The following TGIF1 variants were observed in gnomAD, a reference collection of about 807,000 sequenced individuals.
TGIF1 encodes TGFB induced factor homeobox 1.
TGIF1 carries 4 observed loss-of-function variants against 19.3 expected under a neutral mutation model. The ratio of observed to expected loss-of-function variants is 0.21; its 90% CI spans 0.10 to 0.47. The LOEUF is 0.47. Among genes scored for constraint, TGIF1 ranks in the 20% least tolerant of loss-of-function variants. TGIF1 has a pLI of 0.98. For synonymous variants in TGIF1, 122 were observed against 129.3 expected (o/e 0.94, Z 0.38); for missense variants, 275 against 341.4 (o/e 0.81, Z 1.53).
At chr18:3,416,947 C>A (rs995093391) in intron 1 of TGIF1, among the ~76,000 whole-genome samples, 37 of 151,384 alleles carry the variant, frequency 2.4e-4, no homozygotes, top group Non-Finnish European at 3.7e-4. Flanking sequence ...ACAACAACAA[C>A]AAAAAAAAGA....
At chr18:3,422,302 A>G (rs2082410509) in intron 2 of TGIF1, among the ~76,000 whole-genome samples, 1 of 137,342 alleles carries the variant, frequency 7.3e-6, no homozygotes, top group East Asian at 1.9e-4. Context: ...AAAGTAAAAA[A>G]AAAAAAAAAA....
At chr18:3,425,415 G>A (rs2082453418) in intron 2 of TGIF1, among the ~76,000 whole-genome samples, 1 of 152,224 alleles carries the variant, frequency 6.6e-6, no homozygotes, top group African/African-American at 2.4e-5. Flanking sequence ...ATTCTACTAA[G>A]ATGTGGGTGT....
intron 1 of TGIF1, among the ~76,000 whole-genome samples, chr18:3,417,020 TATC>T (rs1179267627): frequency 6.6e-6 from 1 of 152,240 alleles, no homozygotes; most frequent in Non-Finnish European, 1.5e-5. Flanking sequence ...ACTCGGAATT[TATC>T]ATAAGTAAAT....
At chr18:3,445,094 C>T (rs1328034957) in intron 2 of TGIF1, among the ~76,000 whole-genome samples, 3 of 152,150 alleles carry the variant, frequency 2.0e-5, no homozygotes, top group Non-Finnish European at 2.9e-5. Context: ...ATGATCCAGC[C>T]CCAAACGTCA....
intron 2 of TGIF1, among the ~76,000 whole-genome samples, chr18:3,443,003 A>G (rs2082693777): frequency 6.6e-6 from 1 of 152,242 alleles, no homozygotes; most frequent in African/African-American, 2.4e-5. Context: ...AATATCTATC[A>G]AAATTCTGAA....
rs547346482 is a variant in TGIF1, at chr18:3,456,712, G to A, written c.243+132G>A. The A allele has an allele frequency of 1.9e-5, 16 of 843,932 alleles. No homozygotes were observed. In the East Asian group the frequency reaches 4.2e-4, roughly 22 times the overall value. 52.3% of individuals were successfully genotyped at this position (843,932 alleles called of 1,614,324 possible). A position where few individuals can be genotyped will look rare whatever the true frequency, so the allele number is the denominator to read the frequency against. ...AGGAATATCTTTTTATTGTAAACTT[G>A]ATAGTGTTAAAAGCTAATAACTAGC... is the stretch of plus-strand genomic sequence containing the variant. On this transcript the variant is annotated intron_variant, in intron 2 of 2. Transcript: ENST00000343820. This position sits in a 1 kb window ranked among gnomAD's most constrained non-coding sequence, Gnocchi z 4.2.
chr18:3,432,979 G>A (rs1391902291), intron 2 of TGIF1, among the ~76,000 whole-genome samples: 2 of 151,706 alleles, frequency 1.3e-5, no homozygotes, highest in South Asian at 2.1e-4. Flanking sequence ...GGCTGGTCTC[G>A]AACTCCCGAC....
chr18:3,415,191 T>C (rs987241332), intron 1 of TGIF1: 1 of 211,980 alleles, frequency 4.7e-6, no homozygotes, highest in Middle Eastern at 9.0e-4. Flanking sequence ...ATTGCTCTCA[T>C]CCTGGAGTGG....
Position 3,440,786 on chromosome 18 carries a change from G to A in TGIF1, c.-44-15568G>A, listed in dbSNP as rs567269013. ...GGACTATTATTTAGTTGTTAAAAAC[G>A]GATGTAGGCTCCCTGAGTCAGTCTA... On this transcript the variant is annotated intron_variant, in intron 2 of 3. Transcript: ENST00000401449. Among the ~76,000 whole-genome samples, 7 of 152,244 alleles carry A rather than the reference G, an allele frequency of 4.6e-5. No individual in the cohort carries two copies. In the East Asian group the frequency reaches 1.2e-3, roughly 25 times the overall value.
chr18:3,422,190 TA>T (rs33992043), intron 2 of TGIF1, among the ~76,000 whole-genome samples: 21,540 of 120,978 alleles, frequency 0.18, 5,728 homozygotes, highest in African/African-American at 0.58. Context: ...TGAGACACCG[TA>T]AAAAAAAAAA....
intron 2 of TGIF1, among the ~76,000 whole-genome samples, chr18:3,437,933 A>C (rs1182974810): frequency 2.6e-5 from 4 of 152,114 alleles, no homozygotes; most frequent in Non-Finnish European, 1.5e-5. Context: ...AAAATACAAA[A>C]ATTAGCCAGG....
At chr18:3,428,509 G>A (rs1333790105) in intron 2 of TGIF1, among the ~76,000 whole-genome samples, 2 of 151,866 alleles carry the variant, frequency 1.3e-5, no homozygotes, top group Non-Finnish European at 2.9e-5. Context: ...AGGCTGAGGC[G>A]GGCAGATCAT....
In TGIF1 at chr18:3,441,224, C is replaced by A. The variant is rs539639182; in HGVS notation, c.-44-15130C>A. ...CCTGAATGTGCTACAACTATTTTTC[C>A]AAGTTTCTTAGCTTTTGAAAATTTT... On this transcript the variant is annotated intron_variant, in intron 2 of 3. Coordinates refer to the TGIF1 transcript ENST00000401449. 4.9e-4 allele frequency among the ~76,000 whole-genome samples: 74 copies of A among 152,278 alleles called. 1 individual carries two copies. The South Asian group carries it at 0.015, about 31-fold the overall frequency.
chr18:3,447,694 G>T, upstream of TGIF1: 1 of 1,611,644 alleles, frequency 6.2e-7, no homozygotes, highest in South Asian at 1.1e-5. Flanking sequence ...AATTGTGCCA[G>T]TGTTTCTCTT....
chr18:3,437,584 T>C (rs527980324), intron 2 of TGIF1, among the ~76,000 whole-genome samples: 2 of 152,214 alleles, frequency 1.3e-5, no homozygotes, highest in Non-Finnish European at 2.9e-5. Flanking sequence ...AGAAAGCTTT[T>C]TTCTAAACAG....
chr18:3,445,013 G>A (rs1337916454), intron 2 of TGIF1, among the ~76,000 whole-genome samples: 2 of 152,144 alleles, frequency 1.3e-5, no homozygotes, highest in Non-Finnish European at 2.9e-5. Context: ...GATGCCACTG[G>A]CACACACTGG....
chr18:3,447,678 TC>T, upstream of TGIF1: 1 of 1,598,816 alleles, frequency 6.3e-7, no homozygotes, highest in Non-Finnish European at 8.6e-7. Context: ...TTTCGCTACA[TC>T]ACAGAATTGT....
At chr18:3,448,641 A>C (rs2082797568), upstream of TGIF1, 4 of 983,518 alleles carry the variant, frequency 4.1e-6, no homozygotes, top group Non-Finnish European at 4.8e-6. Flanking sequence ...CTGTTGATTC[A>C]TTTTAGTCCT....
intron 2 of TGIF1, among the ~76,000 whole-genome samples, chr18:3,427,626 G>A (rs1158588410): frequency 6.7e-6 from 1 of 150,252 alleles, no homozygotes; most frequent in African/African-American, 2.5e-5. Flanking sequence ...TTGAGACGGG[G>A]TTTCCCTCTG....
Sources: gnomAD v4.1 joint callset for allele counts (sites outside exome capture counted in the v4.1 genomes callset) on GRCh38, gnomAD v4.1.1 for gene constraint, Gnocchi (gnomAD v3.1) non-coding constraint, MANE v1.5 for transcripts, NCBI Gene and HGNC (gene_info 2026-07-23, HGNC 2026-07-21) for gene names.